Variants in PPP3CA observed in about 807,000 individuals in gnomAD.
The protein encoded by PPP3CA is CAM-PRP catalytic subunit.
Under a neutral mutation model 66.5 loss-of-function variants are expected in PPP3CA, and 14 were observed. The ratio of observed to expected loss-of-function variants is 0.21; its 90% confidence interval spans 0.14 to 0.33. The LOEUF is 0.33. Ranked by LOEUF, PPP3CA falls within the 10% of genes least tolerant of loss-of-function variation. PPP3CA has a pLI of 1.00. For synonymous variants in PPP3CA, 232 were observed against 226.2 expected (o/e 1.03, Z -0.23); for missense variants, 317 against 639.5 (o/e 0.50, Z 5.44).
chr4:101,088,323 C>T (rs1334365190), intron 6 of PPP3CA, among the ~76,000 whole-genome samples: 2 of 152,088 alleles, frequency 1.3e-5, no homozygotes, highest in Admixed American at 6.5e-5. Context: ...TGTTGGCTCA[C>T]GCCTGTAATC....
At chr4:101,283,729 A>G (rs1392620193) in intron 1 of PPP3CA, among the ~76,000 whole-genome samples, 1 of 152,100 alleles carries the variant, frequency 6.6e-6, no homozygotes, top group Non-Finnish European at 1.5e-5. Context: ...TGTAAAGACA[A>G]TCAGATTTTC....
intron 1 of PPP3CA, among the ~76,000 whole-genome samples, chr4:101,342,821 T>C (rs984035963): frequency 1.3e-5 from 2 of 152,188 alleles, no homozygotes; most frequent in African/African-American, 4.8e-5. Context: ...ACACGACAGT[T>C]ACTACGAATG....
At chr4:101,158,799 T>C (rs995010196) in intron 2 of PPP3CA, among the ~76,000 whole-genome samples, 2 of 152,246 alleles carry the variant, frequency 1.3e-5, no homozygotes, top group Non-Finnish European at 2.9e-5. Flanking sequence ...GTTATTCAAA[T>C]ATTTGATGCA....
chr4:101,276,389 A>G (rs759875798), intron 1 of PPP3CA, among the ~76,000 whole-genome samples: 8 of 152,226 alleles, frequency 5.3e-5, no homozygotes, highest in Non-Finnish European at 7.3e-5. Context: ...ATAGGTATCA[A>G]CTTTTTATTT....
chr4:101,159,086 G>C (rs937004030), intron 2 of PPP3CA, among the ~76,000 whole-genome samples: 1 of 152,152 alleles, frequency 6.6e-6, no homozygotes, highest in African/African-American at 2.4e-5. Context: ...TTATGCAGAC[G>C]AGGAAACTGA....
chr4:101,186,554 T>G (rs1296222479), intron 2 of PPP3CA, among the ~76,000 whole-genome samples: 1 of 152,188 alleles, frequency 6.6e-6, no homozygotes, highest in Non-Finnish European at 1.5e-5. Context: ...TTCTAATATA[T>G]AATAGCTCAT....
chr4:101,263,680 G>GT (rs1212132818), intron 1 of PPP3CA, among the ~76,000 whole-genome samples: 1 of 151,450 alleles, frequency 6.6e-6, no homozygotes. Context: ...AAAGACCAGA[G>GT]TGCCGTGCTG....
intron 3 of PPP3CA, among the ~76,000 whole-genome samples, chr4:101,107,578 TTAAA>T (rs1458003099): frequency 3.3e-5 from 5 of 152,226 alleles, no homozygotes; most frequent in Admixed American, 6.5e-5. Flanking sequence ...TCTGTGATCT[TTAAA>T]TGCAGACGGT....
At chr4:101,285,670 G>A (rs570939056) in intron 1 of PPP3CA, among the ~76,000 whole-genome samples, 49 of 120,500 alleles carry the variant, frequency 4.1e-4, no homozygotes, top group African/African-American at 1.4e-3. Context: ...AATACATATC[G>A]ATGTTGGCTA....
intron 1 of PPP3CA, among the ~76,000 whole-genome samples, chr4:101,235,398 G>A (rs1726094070): frequency 6.7e-6 from 1 of 148,832 alleles, no homozygotes; most frequent in Non-Finnish European, 1.5e-5. Context: ...AGACCTATAT[G>A]AGCATAAACA....
intron 2 of PPP3CA, among the ~76,000 whole-genome samples, chr4:101,193,435 A>ATC (rs545672349): frequency 5.9e-5 from 9 of 152,172 alleles, no homozygotes; most frequent in Non-Finnish European, 1.3e-4. Context: ...CAAATTAAAA[A>ATC]TCTGAAACAG....
At chr4:101,122,498 G>C (rs1722062801) in intron 2 of PPP3CA, among the ~76,000 whole-genome samples, 1 of 152,088 alleles carries the variant, frequency 6.6e-6, no homozygotes, top group Admixed American at 6.5e-5. Context: ...GAATACTATA[G>C]GTATAGACAG....
intron 1 of PPP3CA, among the ~76,000 whole-genome samples, chr4:101,288,097 G>A (rs1213816234): frequency 6.6e-6 from 1 of 152,132 alleles, no homozygotes; most frequent in African/African-American, 2.4e-5. Flanking sequence ...TCCAGGGAAG[G>A]CAAAGCACAT....
chr4:101,293,282 C>G (rs550891383), intron 1 of PPP3CA, among the ~76,000 whole-genome samples: 5 of 152,186 alleles, frequency 3.3e-5, no homozygotes, highest in Admixed American at 6.5e-5. Context: ...TATTATCCCC[C>G]CTTTTCTGTC....
At chr4:101,179,085 C>T (rs1724155594) in intron 2 of PPP3CA, among the ~76,000 whole-genome samples, 1 of 152,030 alleles carries the variant, frequency 6.6e-6, no homozygotes, top group Non-Finnish European at 1.5e-5. Flanking sequence ...TTTGACTCCC[C>T]ACAATTTTCT....
At chr4:101,173,403 C>CT (rs983356087) in intron 2 of PPP3CA, among the ~76,000 whole-genome samples, 30 of 150,500 alleles carry the variant, frequency 2.0e-4, no homozygotes, top group Non-Finnish European at 2.8e-4. Flanking sequence ...CTTTAGAGGG[C>CT]TTTTTTTTTC....
chr4:101,231,719 A>G lies in PPP3CA; in HGVS notation c.59-35603T>C, dbSNP rs1039663590. On this transcript the variant is annotated intron_variant, in intron 1 of 13. Transcript: ENST00000394854. Reference sequence around the variant, plus strand: ...GTGTCCCTCCATGGGATCATGACTAACTTATGAAACAAAATGTATGTTAGT... The same window carrying G: ...GTGTCCCTCCATGGGATCATGACTAGCTTATGAAACAAAATGTATGTTAGT... Among the ~76,000 whole-genome samples the G allele has an allele frequency of 2.0e-5, 3 of 151,792 alleles. No homozygotes were observed. The South Asian group carries it at 6.2e-4, about 31-fold the overall frequency.
At chr4:101,035,283 A>G (rs1727191402) in intron 11 of PPP3CA, among the ~76,000 whole-genome samples, 1 of 151,326 alleles carries the variant, frequency 6.6e-6, no homozygotes, top group Non-Finnish European at 1.5e-5. Flanking sequence ...AAACAAAACA[A>G]AAAAACAAAA....
At chr4:101,206,378 A>G (rs1432147634) in intron 1 of PPP3CA, among the ~76,000 whole-genome samples, 3 of 152,218 alleles carry the variant, frequency 2.0e-5, no homozygotes, top group Admixed American at 6.5e-5. Flanking sequence ...TCAAACATGC[A>G]TTTTTTAATC....
Sources: gnomAD v4.1 joint callset for allele counts (sites outside exome capture counted in the v4.1 genomes callset) on GRCh38, gnomAD v4.1.1 for gene constraint, MANE v1.5 for transcripts, NCBI Gene and HGNC (gene_info 2026-07-23, HGNC 2026-07-21) for gene names.